ITGAL: variants seen among roughly 807,000 people sequenced by gnomAD.
The protein encoded by ITGAL is integrin subunit alpha L.
A neutral mutation model predicts 138.4 loss-of-function variants in ITGAL; 68 were observed. The observed-to-expected ratio is 0.49, with a 90% confidence interval of 0.40 to 0.60. The LOEUF is 0.60. ITGAL is among the 20% of genes least tolerant of loss of function. The pLI is 0.00. For synonymous variants in ITGAL, 561 were observed against 584.3 expected, an observed-to-expected ratio of 0.96 and a Z score of 0.57; for missense variants, 1,256 against 1,478.6, an observed-to-expected ratio of 0.85 and a Z score of 2.47.
intron 15 of ITGAL, 76 bp downstream of exon 15, chr16:30,496,642 T>G (rs909738678): frequency 4.5e-5 from 61 of 1,358,788 alleles, no homozygotes; most frequent in Middle Eastern, 2.7e-4. Context: ...TTTTATTTAT[T>G]TATTTTGGTT....
At chr16:30,518,206 G>A (rs995810009) in intron 28 of ITGAL, among the ~76,000 whole-genome samples, 3 of 152,098 alleles carry the variant, frequency 2.0e-5, no homozygotes, top group East Asian at 1.9e-4. Context: ...CTAGCACTTC[G>A]GGAGGCTTAG....
intron 8 of ITGAL, 63 bp downstream of exon 8, chr16:30,484,022 T>G: frequency 1.3e-6 from 2 of 1,595,094 alleles, no homozygotes; most frequent in Non-Finnish European, 1.7e-6. Context: ...CCCAAGCCCC[T>G]TTCTCCCTGG....
At chr16:30,495,038 T>C (rs976392630) in intron 13 of ITGAL, among the ~76,000 whole-genome samples, 188 bp downstream of exon 13, 60 of 152,206 alleles carry the variant, frequency 3.9e-4, no homozygotes, top group Admixed American at 2.6e-4. Context: ...TTCTTTTTTC[T>C]TTTGAGACAG....
chr16:30,485,718 A>G (rs1276616615), intron 9 of ITGAL, among the ~76,000 whole-genome samples: 1 of 144,970 alleles, frequency 6.9e-6, no homozygotes, highest in Non-Finnish European at 1.5e-5. Flanking sequence ...TTTTTTGTAG[A>G]GGCAGGGATC....
intron 30 of ITGAL, among the ~76,000 whole-genome samples, chr16:30,520,524 G>A (rs1264665069): frequency 2.0e-5 from 3 of 152,240 alleles, no homozygotes; most frequent in Non-Finnish European, 4.4e-5. Flanking sequence ...GAGAGGAAAA[G>A]GAAGTATGCC....
intron 18 of ITGAL, chr16:30,505,018 T>TAAAA (rs5816509): frequency 2.2e-4 from 55 of 249,530 alleles, no homozygotes; most frequent in East Asian, 1.7e-3. Context: ...AAGACAGTCT[T>TAAAA]AAAAAAAAAA....
At position 30,472,917 on chromosome 16, in the gene ITGAL, A is replaced by T; in HGVS notation, c.61+19A>T. The T allele has an allele frequency of 6.2e-7, 1 of 1,609,914 alleles. No homozygotes were observed. Among genetic ancestry groups the T allele is most frequent in the Non-Finnish European group, 8.5e-7 (1 of 1,177,366 alleles). On this transcript the variant is annotated intron_variant, in intron 1 of 30. Coordinates refer to ENST00000356798, the MANE Select transcript of ITGAL (RefSeq NM_002209.3). Reference sequence around the variant, plus strand: ...TTCTTCGGTAGGCAAGGGAGGAGGCAGGGGAAGGGACATGTGTCTGTGACC... The same window carrying T: ...TTCTTCGGTAGGCAAGGGAGGAGGCTGGGGAAGGGACATGTGTCTGTGACC...
intron 15 of ITGAL, chr16:30,498,793 T>TAAAAA: frequency 6.6e-6 from 2 of 303,640 alleles, no homozygotes; most frequent in South Asian, 6.3e-5. Context: ...CCCAGATCCT[T>TAAAAA]GGGAGGCTGA....
intron 24 of ITGAL, among the ~76,000 whole-genome samples, chr16:30,512,511 C>T (rs1316857403): frequency 1.3e-5 from 2 of 150,356 alleles, no homozygotes; most frequent in Non-Finnish European, 3.0e-5. Flanking sequence ...TGCTTGAACC[C>T]GGGTGGAGGA....
intron 29 of ITGAL, 152 bp downstream of exon 29, chr16:30,518,871 C>A: frequency 1.5e-6 from 1 of 647,210 alleles, no homozygotes. Flanking sequence ...CTTCTTCTCC[C>A]CTTGGTGGGC....
Position 30,494,781 on chromosome 16 carries a change from G to A in ITGAL, c.1434G>A (p.Leu478=), listed in dbSNP as rs1179384529. The A allele has an allele frequency of 6.2e-7, 1 of 1,613,452 alleles. No individual in the cohort carries two copies. The highest frequency in any genetic ancestry group is 8.5e-7 in the Non-Finnish European group (1 of 1,179,654). Reference sequence around the variant, plus strand: ...ACCAAGATGGGGAGACAGAGCTGCTGCTGATTGGTGCCCCACTGTTCTATG... The same window carrying A: ...ACCAAGATGGGGAGACAGAGCTGCTACTGATTGGTGCCCCACTGTTCTATG... ...DVDQDGETEL[L]LIGAPLFYGE... The change falls in exon 13 of 31, where the codon CTG becomes CTA. Residue 478 remains leucine (L), a synonymous_variant. Coordinates refer to ENST00000356798, the MANE Select transcript of ITGAL (RefSeq NM_002209.3). The surrounding 1 kb of genome is among the most constrained non-coding windows in gnomAD (Gnocchi z 4.2).
Position 30,474,240 on chromosome 16 carries a change from T to C in ITGAL, c.106T>C (p.Phe36Leu). Residue 36 changes from phenylalanine to leucine, a missense_variant, in exon 2 of 31, where the codon TTC (phenylalanine) becomes CTC (leucine). Around this residue, in one of 3 missense-constraint regions of ITGAL, gnomAD observed 212 missense variants for 217.4 expected, o/e 0.98. Transcript: ENST00000356798. ...YNLDVRGARS[F>L]SPPRAGRHFG... The stretch of plus-strand genomic sequence containing the variant: ...CCTGGACGTGCGGGGCGCGCGGAGC[T>C]TCTCCCCACCGCGCGCCGGGAGGCA... The C allele has an allele frequency of 6.2e-7, 1 of 1,609,042 alleles. No homozygotes were observed. The highest frequency in any genetic ancestry group is 8.5e-7 in the Non-Finnish European group (1 of 1,177,880).
chr16:30,476,775 G>A (rs1870686340), intron 4 of ITGAL, among the ~76,000 whole-genome samples: 1 of 152,130 alleles, frequency 6.6e-6, no homozygotes, highest in East Asian at 1.9e-4. Flanking sequence ...TGGGATTACA[G>A]GCGTGTGCCA....
At chr16:30,475,605 A>G (rs980166544) in intron 4 of ITGAL, 25 bp downstream of exon 4, 1 of 1,563,028 alleles carries the variant, frequency 6.4e-7, no homozygotes, top group African/African-American at 1.4e-5. Context: ...CAGTGGTGTT[A>G]TCAGAGCCTG....
At chr16:30,519,457 C>T (rs553021333) in intron 29 of ITGAL, among the ~76,000 whole-genome samples, 2 of 151,694 alleles carry the variant, frequency 1.3e-5, no homozygotes, top group Non-Finnish European at 1.5e-5. Flanking sequence ...GAAGAAAGAG[C>T]GCTCTAAGCA....
chr16:30,500,745 G>A (rs370803643), intron 17 of ITGAL, among the ~76,000 whole-genome samples: 24 of 151,978 alleles, frequency 1.6e-4, no homozygotes, highest in African/African-American at 4.6e-4. Context: ...TAGGCCAAGC[G>A]CGGTGGCTCA....
chr16:30,510,438 T>C lies in ITGAL; in HGVS notation c.2586T>C (p.Asn862=), dbSNP rs1045279913. 9.9e-6 allele frequency: 16 copies of C among 1,611,980 alleles called. No homozygotes were observed. In the Admixed American group the frequency reaches 1.3e-4, roughly 13 times the overall value. ...TTCTGTCCAGGGCATTATCTTGCAA[T>C]GTGAGCTCTCCCATCTTCAAAGCAG... The part of the protein sequence containing the change: ...SRLLSRALSC[N]VSSPIFKAGH... The change falls in exon 22 of 31, where the codon AAT becomes AAC. Residue 862 remains asparagine, a synonymous_variant. Coordinates refer to ENST00000356798, the MANE Select transcript of ITGAL (RefSeq NM_002209.3).
Position 30,476,073 on chromosome 16 carries a change from A to AC in ITGAL, c.327+498dup, listed in dbSNP as rs1177564620. 4.6e-5 allele frequency among the ~76,000 whole-genome samples: 7 copies of AC among 151,704 alleles called. No individual in the cohort carries two copies. In the East Asian group the frequency reaches 1.4e-3, roughly 29 times the overall value. On this transcript the variant is annotated intron_variant, in intron 4 of 30. Coordinates refer to ENST00000356798, the MANE Select transcript of ITGAL (RefSeq NM_002209.3). Reference sequence around the variant, plus strand: ...AGACCATCCTGGCTAACACGGTGAAACCCCCATCTCTACTAAAAACACAAA... The same window carrying AC: ...AGACCATCCTGGCTAACACGGTGAAACCCCCCATCTCTACTAAAAACACAAA...
intron 17 of ITGAL, among the ~76,000 whole-genome samples, chr16:30,501,469 TG>T (rs201633329): frequency 0.016 from 2,418 of 151,208 alleles, 63 homozygotes; most frequent in African/African-American, 0.054. Context: ...TCCAGCTACT[TG>T]GGAGGCTGCG....
Sources: gnomAD v4.1 joint callset for allele counts (sites outside exome capture counted in the v4.1 genomes callset) on GRCh38, gnomAD v4.1.1 for gene constraint, gnomAD v4.1.1 regional missense constraint, Gnocchi (gnomAD v3.1) non-coding constraint, MANE v1.5 for transcripts, NCBI Gene and HGNC (gene_info 2026-07-23, HGNC 2026-07-21) for gene names.